Variants in IQCB1 observed in about 807,000 individuals in gnomAD.
IQCB1 encodes IQ calmodulin-binding motif-containing protein 1.
In IQCB1, 56 loss-of-function variants were observed where a neutral mutation model predicts 84.4. The ratio of observed to expected loss-of-function variants is 0.66; its 90% CI spans 0.54 to 0.83. The LOEUF is 0.83. Among genes scored for constraint, IQCB1 ranks in the 40% least tolerant of loss-of-function variants. IQCB1 has a pLI of 0.00. For missense variants in IQCB1, 629 were observed against 682.1 expected, an observed-to-expected ratio of 0.92 and a Z score of 0.87; for synonymous variants, 210 against 234.8, an observed-to-expected ratio of 0.89 and a Z score of 0.96.
At position 121,770,223 on chromosome 3, in the gene IQCB1, G is replaced by T; in HGVS notation, c.*122C>A. 1.4e-6 allele frequency: 1 copy of T among 693,392 alleles called. No individual in the cohort carries two copies. Among genetic ancestry groups the T allele is most frequent in the Non-Finnish European group, 2.6e-6 (1 of 391,418 alleles). The allele number at this position is 693,392 out of a possible 1,614,324, so 43.0% of individuals were successfully genotyped here. The stretch of plus-strand genomic sequence containing the variant: ...TAACTCTTTGCTTACTGCAGGTCTT[G>T]TCTGGAGGAGAACCTCTGGAAAATA... On this transcript the variant is annotated 3_prime_UTR_variant, in exon 15 of 15. Transcript: ENST00000310864.
intron 5 of IQCB1, among the ~76,000 whole-genome samples, chr3:121,824,889 T>A (rs1330754267): frequency 6.6e-6 from 1 of 152,134 alleles, no homozygotes; most frequent in African/African-American, 2.4e-5. Context: ...TTAACACTTA[T>A]AGAACATTAC....
chr3:121,817,755 C>T (rs1950126261), intron 5 of IQCB1, among the ~76,000 whole-genome samples: 3 of 152,058 alleles, frequency 2.0e-5, no homozygotes, highest in African/African-American at 7.2e-5. Context: ...ACCCTAACCT[C>T]TAATGTGATG....
At position 121,771,268 on chromosome 3, in the gene IQCB1, G is replaced by A. The variant is rs1040938078; in HGVS notation, c.1568-694C>T. 2.9e-4 allele frequency among the ~76,000 whole-genome samples: 44 copies of A among 151,774 alleles called. 1 individual carries two copies. Among genetic ancestry groups the A allele is most frequent in the East Asian group, 2.0e-4 (1 of 5,122 alleles). Reference sequence around the variant, plus strand: ...ATTACAGGCGTGAGCCACCGTGCCCGGCCATTTCTGTGTTTAAAGGAATTT... The same window carrying A: ...ATTACAGGCGTGAGCCACCGTGCCCAGCCATTTCTGTGTTTAAAGGAATTT... On this transcript the variant is annotated intron_variant, in intron 14 of 14. Transcript: ENST00000310864.
chr3:121,817,071 T>C (rs1238236301), intron 5 of IQCB1, among the ~76,000 whole-genome samples: 1 of 152,308 alleles, frequency 6.6e-6, no homozygotes, highest in African/African-American at 2.4e-5. Context: ...TGGAATACTA[T>C]GCAGCCATAA....
In IQCB1 at chr3:121,785,319, C is replaced by T. The variant is rs1948664575; in HGVS notation, c.1278+2965G>A. 2.0e-5 allele frequency among the ~76,000 whole-genome samples: 3 copies of T among 150,674 alleles called. No homozygotes were observed. The South Asian group carries it at 6.3e-4, about 32-fold the overall frequency. ...CCAGGCTAGAGTGCAGTGGTGTGAT[C>T]ACAGCTCACTGCAGCCTCAACTTCC... On this transcript the variant is annotated intron_variant, in intron 12 of 14. Coordinates refer to ENST00000310864, the MANE Select transcript of IQCB1 (RefSeq NM_001023570.4).
At chr3:121,792,960 TGATCA>T (rs1949050408) in intron 10 of IQCB1, among the ~76,000 whole-genome samples, 1 of 152,192 alleles carries the variant, frequency 6.6e-6, no homozygotes, top group South Asian at 2.1e-4. Context: ...ATGAAATGAC[TGATCA>T]GATGTCATAT....
intron 11 of IQCB1, among the ~76,000 whole-genome samples, chr3:121,789,821 T>A (rs534708829): frequency 3.9e-5 from 6 of 152,346 alleles, no homozygotes; most frequent in African/African-American, 1.4e-4. Flanking sequence ...TACATTTTTA[T>A]GTTTCACTAA....
intron 5 of IQCB1, 42 bp downstream of exon 5, chr3:121,826,009 A>C (rs1410615102): frequency 6.5e-7 from 1 of 1,546,136 alleles, no homozygotes; most frequent in Non-Finnish European, 8.9e-7. Context: ...GCTTCTTAAG[A>C]ATTAAACTGA....
intron 13 of IQCB1, among the ~76,000 whole-genome samples, chr3:121,779,508 A>G (rs1451040684): frequency 6.6e-6 from 1 of 151,910 alleles, no homozygotes; most frequent in Non-Finnish European, 1.5e-5. Flanking sequence ...TACATTTTTC[A>G]TCTTTCTACT....
chr3:121,781,218 G>C (rs1948475608), intron 13 of IQCB1, among the ~76,000 whole-genome samples: 1 of 152,132 alleles, frequency 6.6e-6, no homozygotes, highest in South Asian at 2.1e-4. Flanking sequence ...TGGGAGAAGA[G>C]AATAACAGGT....
chr3:121,807,477 T>G (rs1576587806), intron 6 of IQCB1, 34 bp from the exon 7 acceptor site: 1 of 1,061,066 alleles, frequency 9.4e-7, no homozygotes, highest in East Asian at 2.4e-5. Flanking sequence ...AAGATTAAAG[T>G]AAAGATTTTA....
chr3:121,778,091 A>G (rs1387479597), intron 13 of IQCB1, among the ~76,000 whole-genome samples: 1 of 152,028 alleles, frequency 6.6e-6, no homozygotes, highest in Middle Eastern at 3.2e-3. Context: ...AATTTTTTGT[A>G]GAGACCAGGT....
chr3:121,770,410 C>A lies in IQCB1; in HGVS notation c.1732G>T (p.Val578Phe). The change falls in exon 15 of 15, where the codon GTT becomes TTT. Residue 578 changes from valine to phenylalanine, a missense_variant. Transcript: ENST00000310864. The part of the protein sequence containing the change: ...LGEESGDEID[V>F]PKDELSIELE... ...TCTATACTAAGCTCATCCTTTGGAA[C>A]ATCAATCTCATCTCCAGATTCTTCT... 6.2e-7 allele frequency: 1 copy of A among 1,614,200 alleles called. No homozygotes were observed. The highest frequency in any genetic ancestry group is 1.1e-5 in the South Asian group (1 of 91,084).
chr3:121,796,364 C>T (rs748669547), intron 9 of IQCB1, among the ~76,000 whole-genome samples: 2 of 151,922 alleles, frequency 1.3e-5, no homozygotes, highest in Non-Finnish European at 2.9e-5. Context: ...ACAATGTCCC[C>T]TTTTCCTTTT....
chr3:121,818,021 T>C (rs1950137674), intron 5 of IQCB1, among the ~76,000 whole-genome samples: 2 of 152,174 alleles, frequency 1.3e-5, no homozygotes, highest in South Asian at 4.1e-4. Context: ...TCCAGAACTA[T>C]AAGAAATAAA....
At chr3:121,816,484 A>C (rs1950062601) in intron 5 of IQCB1, among the ~76,000 whole-genome samples, 2 of 152,184 alleles carry the variant, frequency 1.3e-5, no homozygotes, top group Admixed American at 1.3e-4. Context: ...TGAACAGGCA[A>C]CCTACAGAAT....
At chr3:121,831,378 T>C (rs1950633596) in intron 2 of IQCB1, among the ~76,000 whole-genome samples, 1 of 152,128 alleles carries the variant, frequency 6.6e-6, no homozygotes, top group African/African-American at 2.4e-5. Context: ...TTCTCCATGT[T>C]GCCCAGGGTC....
At chr3:121,786,170 C>CAAGAATAAAAG in intron 12 of IQCB1, among the ~76,000 whole-genome samples, 3 of 72,882 alleles carry the variant, frequency 4.1e-5, no homozygotes, top group Admixed American at 1.9e-4. Flanking sequence ...GATTCTGTCT[C>CAAGAATAAAAG]AAAAGAAAAG....
In IQCB1 at chr3:121,799,200, G is replaced by A; in HGVS notation, c.762C>T (p.Tyr254=). The change falls in exon 8 of 15, where the codon TAC becomes TAT. Residue 254 remains tyrosine, a synonymous_variant. Coordinates refer to ENST00000310864, the MANE Select transcript of IQCB1 (RefSeq NM_001023570.4). ...AAGAAAGAATGAATGTACTACCTTT[G>A]TAGCAGGTACTTTGTCTCAGTAAAA... ...ILILLRQSTC[Y]KGLRRLLSKQ... 1 of 1,603,942 alleles carries A rather than the reference G, an allele frequency of 6.2e-7. No individual in the cohort carries two copies. The highest frequency in any genetic ancestry group is 8.5e-7 in the Non-Finnish European group (1 of 1,172,986).
Sources: allele counts gnomAD v4.1 joint callset (sites outside exome capture counted in the v4.1 genomes callset), GRCh38; gene constraint gnomAD v4.1.1; transcripts MANE v1.5; gene names NCBI Gene and HGNC (gene_info 2026-07-23, HGNC 2026-07-21).